PPFIBP2: variants seen among roughly 807,000 people sequenced by gnomAD.
PPFIBP2 encodes PPFIB scaffold protein 2, also known as liprin-beta-2.
Under a neutral mutation model 118.3 loss-of-function variants are expected in PPFIBP2, and 118 were observed. The observed-to-expected ratio is 1.00, with a 90% CI of 0.86 to 1.16. The LOEUF (loss-of-function observed/expected upper bound fraction) is 1.16. PPFIBP2 is among the 50% of genes most tolerant of loss of function. The probability of loss-of-function intolerance (pLI) is 0.00; values close to 1 mark genes in which losing one functional copy is unlikely to be tolerated. For missense variants in PPFIBP2, 1,195 were observed against 1,073.1 expected (o/e 1.11, Z -1.59); for synonymous variants, 414 against 397.4 (o/e 1.04, Z -0.50).
chr11:7,642,021 GACATGAGGCAGAA>G lies in PPFIBP2; in HGVS notation c.1518-274_1518-262del, dbSNP rs1852264621. ...TGCTGGCCCAACTGATCCACTTTGT[GACATGAGGCAGAA>G]ACTGGGGCCTCCTACAAGGCATCAA... On this transcript the variant is annotated intron_variant, in intron 16 of 23. Transcript: ENST00000299492. The G allele has an allele frequency of 6.1e-5, 26 of 427,180 alleles. 1 individual carries two copies. The South Asian group carries it at 1.0e-3, about 17-fold the overall frequency. The allele number at this position is 427,180 out of a possible 1,614,324, so 26.5% of individuals were successfully genotyped here.
chr11:7,543,368 G>A (rs1173060502), intron 1 of PPFIBP2, among the ~76,000 whole-genome samples: 2 of 152,230 alleles, frequency 1.3e-5, no homozygotes, highest in Admixed American at 6.5e-5. Context: ...ACTTGGGGAA[G>A]GGAGAGGTAG....
chr11:7,532,822 G>T (rs1850841517), intron 1 of PPFIBP2, among the ~76,000 whole-genome samples: 1 of 152,170 alleles, frequency 6.6e-6, no homozygotes, highest in African/African-American at 2.4e-5. Flanking sequence ...GCATTGCATT[G>T]AATCAAAATT....
chr11:7,553,548 G>T (rs772414776), intron 2 of PPFIBP2, among the ~76,000 whole-genome samples: 56 of 152,310 alleles, frequency 3.7e-4, no homozygotes, highest in Non-Finnish European at 6.5e-4. Flanking sequence ...TACAGAGTTG[G>T]ACTGTAGGGG....
intron 19 of PPFIBP2, 30 bp downstream of exon 19, chr11:7,648,941 G>A: frequency 4.5e-6 from 7 of 1,570,512 alleles, no homozygotes; most frequent in Admixed American, 1.7e-5. Context: ...TATTAAGAAT[G>A]TCTCTGGCAG....
At chr11:7,622,976 C>A (rs775201979) in intron 7 of PPFIBP2, among the ~76,000 whole-genome samples, 6 of 152,142 alleles carry the variant, frequency 3.9e-5, no homozygotes, top group Non-Finnish European at 7.3e-5. Context: ...TTCCTATGTG[C>A]CAGAATGTAC....
At chr11:7,585,419 C>A (rs1857973200) in intron 3 of PPFIBP2, among the ~76,000 whole-genome samples, 1 of 152,190 alleles carries the variant, frequency 6.6e-6, no homozygotes, top group Non-Finnish European at 1.5e-5. Flanking sequence ...CTAGCCCTTG[C>A]CCCATTTGAC....
At chr11:7,661,440 C>T (rs891753727), downstream of PPFIBP2, among the ~76,000 whole-genome samples, 1 of 151,820 alleles carries the variant, frequency 6.6e-6, no homozygotes, top group African/African-American at 2.4e-5. Flanking sequence ...TGTTCAGTTT[C>T]CATGCAGTCG....
intron 3 of PPFIBP2, among the ~76,000 whole-genome samples, chr11:7,580,317 C>G (rs1479925804): frequency 6.6e-6 from 1 of 152,222 alleles, no homozygotes; most frequent in African/African-American, 2.4e-5. Context: ...CTCACCCACC[C>G]TTTCTCCTGT....
intron 5 of PPFIBP2, among the ~76,000 whole-genome samples, chr11:7,599,774 G>A (rs891041095): frequency 1.7e-4 from 25 of 150,576 alleles, no homozygotes; most frequent in Non-Finnish European, 3.0e-4. Flanking sequence ...GGGACTACAG[G>A]TGCCTGCCAC....
At chr11:7,650,796 A>C in intron 21 of PPFIBP2, 44 bp from the exon 22 acceptor site, 8 of 1,602,708 alleles carry the variant, frequency 5.0e-6, no homozygotes, top group Non-Finnish European at 6.8e-6. Context: ...CCATGGTGGG[A>C]CCTATTAAGC....
In PPFIBP2 at chr11:7,597,680, G is replaced by A. The variant is rs200381140; in HGVS notation, c.486+7G>A. 1,021 of 1,611,766 alleles carry A rather than the reference G, an allele frequency of 6.3e-4. 6 individuals carry two copies. Among genetic ancestry groups the A allele is most frequent in the Non-Finnish European group, 6.6e-4 (778 of 1,178,278 alleles). ...TGAAGAGATGCTTCAACAGGTAAGG[G>A]CGGGTGCACTGAAGGCCCTTGGGTG... is the stretch of plus-strand genomic sequence containing the variant. On this transcript the variant is annotated splice_region_variant and intron_variant, in intron 5 of 23. Transcript: ENST00000299492.
intron 9 of PPFIBP2, among the ~76,000 whole-genome samples, chr11:7,629,255 C>T (rs1382073166): frequency 6.6e-6 from 1 of 152,130 alleles, no homozygotes; most frequent in Non-Finnish European, 1.5e-5. Context: ...TCACAGTCTT[C>T]AGGTAGAGCG....
At chr11:7,610,558 T>A (rs948847984) in intron 6 of PPFIBP2, 136 bp downstream of exon 6, 79 of 1,215,708 alleles carry the variant, frequency 6.5e-5, no homozygotes, top group Middle Eastern at 3.0e-4. Flanking sequence ...TGCAGTGATC[T>A]GTTAATACCA....
chr11:7,656,796 T>A (rs1854732449), downstream of PPFIBP2: 1 of 1,289,846 alleles, frequency 7.8e-7, no homozygotes, highest in East Asian at 5.6e-5. Flanking sequence ...TGACTGGAGA[T>A]GACTTTCTTC....
chr11:7,614,345 A>C (rs975071651), intron 6 of PPFIBP2, among the ~76,000 whole-genome samples: 9 of 152,214 alleles, frequency 5.9e-5, no homozygotes, highest in African/African-American at 1.9e-4. Flanking sequence ...ACAGACACAC[A>C]CACTTTCCCT....
In PPFIBP2 at chr11:7,529,970, A is replaced by G. The variant is rs141921361; in HGVS notation, c.-37+15849A>G. On this transcript the variant is annotated intron_variant, in intron 1 of 23. Transcript: ENST00000299492. ...GCATGTGTGCTGTTTGAGCTGCTGT[A>G]TCCCAGGGTCTGCCACTTTGGGGGC... 5.9e-5 allele frequency among the ~76,000 whole-genome samples: 9 copies of G among 152,354 alleles called. No homozygotes were observed. In the East Asian group the frequency reaches 1.3e-3, roughly 23 times the overall value.
chr11:7,537,372 G>A (rs1851320082), intron 1 of PPFIBP2, among the ~76,000 whole-genome samples: 1 of 152,196 alleles, frequency 6.6e-6, no homozygotes, highest in Admixed American at 6.5e-5. Flanking sequence ...TCTCAAAGGA[G>A]ACAGGAAACC....
intron 1 of PPFIBP2, among the ~76,000 whole-genome samples, chr11:7,517,750 C>G (rs1348613178): frequency 6.6e-6 from 1 of 152,132 alleles, no homozygotes; most frequent in Non-Finnish European, 1.5e-5. Flanking sequence ...TGATTAAAAC[C>G]ATCAGGGTTA....
intron 8 of PPFIBP2, among the ~76,000 whole-genome samples, chr11:7,626,963 G>C (rs950349788): frequency 6.6e-6 from 1 of 152,238 alleles, no homozygotes; most frequent in African/African-American, 2.4e-5. Context: ...GTCCGCCCAA[G>C]CCACTGGGTG....
Sources: gnomAD v4.1 joint callset for allele counts (sites outside exome capture counted in the v4.1 genomes callset) on GRCh38, gnomAD v4.1.1 for gene constraint, MANE v1.5 for transcripts, NCBI Gene and HGNC (gene_info 2026-07-23, HGNC 2026-07-21) for gene names.